Variants in AMBRA1 observed in about 807,000 individuals in gnomAD.
The protein encoded by AMBRA1 is activating molecule in BECN1-regulated autophagy protein 1.
AMBRA1 carries 47 observed loss-of-function variants against 125.4 expected under a neutral mutation model. The ratio of observed to expected loss-of-function variants is 0.37; its 90% CI spans 0.30 to 0.48. The LOEUF is 0.48. Among genes scored for constraint, AMBRA1 ranks in the 20% least tolerant of loss-of-function variants. AMBRA1 has a pLI of 0.99. For synonymous variants in AMBRA1, 626 were observed against 655.5 expected, an observed-to-expected ratio of 0.95 and a Z score of 0.69; for missense variants, 1,331 against 1,693.4, an observed-to-expected ratio of 0.79 and a Z score of 3.76.
rs373934857 is a variant in AMBRA1, at chr11:46,567,641, G to A, written c.-120-19141C>T. ...CTCCCAAAGTGCTGGGATTACAGGC[G>A]TGAGCCACCGTGCCCAGCCTTTTAA... is the stretch of plus-strand genomic sequence containing the variant. On this transcript the variant is annotated intron_variant, in intron 1 of 17. Transcript: ENST00000683756. Among the ~76,000 whole-genome samples, 35 of 152,158 alleles carry A rather than the reference G, an allele frequency of 2.3e-4. 1 individual carries two copies. Among genetic ancestry groups the A allele is most frequent in the Middle Eastern group, 3.4e-3 (1 of 292 alleles).
intron 11 of AMBRA1, chr11:46,491,210 T>A (rs79313314): frequency 1.3e-5 from 2 of 152,252 alleles, no homozygotes; most frequent in East Asian, 3.9e-4. Context: ...TCTTATAAAG[T>A]CCTAAGAAAA....
At chr11:46,545,808 G>A in intron 4 of AMBRA1, 32 bp from the exon 5 acceptor site, 1 of 1,607,638 alleles carries the variant, frequency 6.2e-7, no homozygotes, top group Non-Finnish European at 8.5e-7. Flanking sequence ...ATATTCTCAG[G>A]TTACAAGCTA....
chr11:46,541,408 C>CAT (rs1952732662), intron 7 of AMBRA1, among the ~76,000 whole-genome samples: 1 of 152,116 alleles, frequency 6.6e-6, no homozygotes, highest in South Asian at 2.1e-4. Flanking sequence ...TCTTGACATA[C>CAT]ATATATATAC....
chr11:46,516,186 G>A (rs1197183259), intron 7 of AMBRA1, among the ~76,000 whole-genome samples: 2 of 152,040 alleles, frequency 1.3e-5, no homozygotes, highest in Non-Finnish European at 2.9e-5. Flanking sequence ...TAGTGGAACT[G>A]GCAAGCCACA....
intron 7 of AMBRA1, among the ~76,000 whole-genome samples, chr11:46,538,433 T>C (rs1042155804): frequency 6.6e-6 from 1 of 152,166 alleles, no homozygotes; most frequent in African/African-American, 2.4e-5. Flanking sequence ...ACAATGCATA[T>C]ATTTTTTGGC....
chr11:46,496,366 G>A (rs542800546), intron 9 of AMBRA1, among the ~76,000 whole-genome samples: 2 of 152,242 alleles, frequency 1.3e-5, no homozygotes, highest in African/African-American at 4.8e-5. Context: ...TGGGCGACAA[G>A]AGTAAAACTC....
At chr11:46,423,923 C>T (rs1264232192) in intron 14 of AMBRA1, among the ~76,000 whole-genome samples, 2 of 152,066 alleles carry the variant, frequency 1.3e-5, no homozygotes, top group African/African-American at 4.8e-5. Flanking sequence ...GCCACCACGC[C>T]TGGTTAATTT....
chr11:46,412,136 C>A (rs189176204), intron 15 of AMBRA1, among the ~76,000 whole-genome samples: 1 of 152,268 alleles, frequency 6.6e-6, no homozygotes, highest in East Asian at 1.9e-4. Context: ...GTACAGTTGT[C>A]CCTTGGTATC....
rs369391832 is a variant in AMBRA1, at chr11:46,544,092, A to G, written c.552-51T>C. On this transcript the variant is annotated intron_variant, in intron 5 of 17. Transcript: ENST00000683756. ...AGACACACATAGAGAGATTATGTTA[A>G]CTGAGAAGAGGAAACTTGTGTTTGA... 5.5e-6 allele frequency: 8 copies of G among 1,452,226 alleles called. No homozygotes were observed. The African/African-American group carries it at 1.1e-4, about 20-fold the overall frequency. 90.0% of individuals were successfully genotyped at this position (1,452,226 alleles called of 1,614,324 possible). A position where few individuals can be genotyped will look rare whatever the true frequency, so the allele number is the denominator to read the frequency against.
At chr11:46,544,606 T>C (rs1160615750) in intron 5 of AMBRA1, among the ~76,000 whole-genome samples, 2 of 152,320 alleles carry the variant, frequency 1.3e-5, no homozygotes, top group East Asian at 3.9e-4. Flanking sequence ...CATCTCCATC[T>C]TCCAGTTTGA....
intron 13 of AMBRA1, 148 bp downstream of exon 13, chr11:46,434,701 G>A: frequency 3.5e-6 from 3 of 868,656 alleles, no homozygotes; most frequent in Non-Finnish European, 5.1e-6. Context: ...CAGCACTCCT[G>A]CAAAGCAATC....
At chr11:46,579,736 G>A (rs149752959) in intron 1 of AMBRA1, among the ~76,000 whole-genome samples, 2,739 of 152,156 alleles carry the variant, frequency 0.018, 88 homozygotes, top group African/African-American at 0.063. Flanking sequence ...GTTTTGAGAT[G>A]GATTCTTGTT....
At position 46,482,641 on chromosome 11, in the gene AMBRA1, T is replaced by A. The variant is rs373392743; in HGVS notation, c.2521+10967A>T. On this transcript the variant is annotated intron_variant, in intron 11 of 17. Transcript: ENST00000683756. ...CCTGTCTAGCTTTCCCTTGTTCCTT[T>A]GTACCCTGGACCAGTTAACTTCCCT... Among the ~76,000 whole-genome samples, 210 of 152,270 alleles carry A rather than the reference T, an allele frequency of 1.4e-3. 5 individuals carry two copies. In the South Asian group the frequency reaches 0.042, roughly 30 times the overall value.
chr11:46,500,009 C>A (rs1353005017), intron 9 of AMBRA1, among the ~76,000 whole-genome samples: 1 of 152,128 alleles, frequency 6.6e-6, no homozygotes, highest in Non-Finnish European at 1.5e-5. Context: ...AAGCTTAAAG[C>A]TACAAGAATC....
At chr11:46,577,781 T>C (rs2135298869) in intron 1 of AMBRA1, among the ~76,000 whole-genome samples, 1 of 152,096 alleles carries the variant, frequency 6.6e-6, no homozygotes, top group South Asian at 2.1e-4. Context: ...AGAAACCCTG[T>C]CTCTACTAAA....
At chr11:46,545,028 G>A (rs763853697) in intron 5 of AMBRA1, among the ~76,000 whole-genome samples, 45 of 151,826 alleles carry the variant, frequency 3.0e-4, no homozygotes, top group Admixed American at 8.5e-4. Context: ...TCATAAGACT[G>A]AGGTGGGAGG....
chr11:46,434,308 T>C (rs1947605595), intron 13 of AMBRA1, among the ~76,000 whole-genome samples: 1 of 151,888 alleles, frequency 6.6e-6, no homozygotes, highest in Admixed American at 6.6e-5. Flanking sequence ...GCACCATCAT[T>C]TGTTTAGTCA....
chr11:46,407,060 T>G (rs1435429438), intron 17 of AMBRA1, among the ~76,000 whole-genome samples: 1 of 152,048 alleles, frequency 6.6e-6, no homozygotes, highest in Non-Finnish European at 1.5e-5. Flanking sequence ...ATGCCTGTAA[T>G]CCCAGCTACT....
chr11:46,487,521 T>G (rs1950307973), intron 11 of AMBRA1, among the ~76,000 whole-genome samples: 1 of 152,110 alleles, frequency 6.6e-6, no homozygotes, highest in Non-Finnish European at 1.5e-5. Context: ...GGGTTTGTAA[T>G]ACATATAGAT....
Sources: allele counts gnomAD v4.1 joint callset (sites outside exome capture counted in the v4.1 genomes callset), GRCh38; gene constraint gnomAD v4.1.1; transcripts MANE v1.5; gene names NCBI Gene and HGNC (gene_info 2026-07-23, HGNC 2026-07-21).